Variants in ZMAT3 observed in about 807,000 individuals in gnomAD.
ZMAT3 encodes zinc finger matrin-type 3.
ZMAT3 carries 17 observed loss-of-function variants against 32.3 expected under a neutral mutation model. The observed-to-expected ratio is 0.53, with a 90% CI of 0.36 to 0.79. ZMAT3 has a LOEUF of 0.79. Ranked by LOEUF, ZMAT3 falls within the 30% of genes least tolerant of loss-of-function variation. The pLI, the probability that ZMAT3 is intolerant of heterozygous loss-of-function variation, is 0.00. For missense variants in ZMAT3, 329 were observed against 359.7 expected (o/e 0.91, Z 0.69); for synonymous variants, 120 against 133.1 (o/e 0.90, Z 0.68).
Position 179,032,432 on chromosome 3 carries a change from G to A in ZMAT3, c.271-1433C>T, listed in dbSNP as rs928747491. Among the ~76,000 whole-genome samples the A allele has an allele frequency of 2.0e-5, 3 of 152,186 alleles. No individual in the cohort carries two copies. In the East Asian group the frequency reaches 5.8e-4, roughly 30 times the overall value. On this transcript the variant is annotated intron_variant, in intron 2 of 5. Transcript: ENST00000311417. Reference sequence around the variant, plus strand: ...CTCTGCCCGGCCGCCACCCCGTCTAGGAAGTGAGGAGCGTCTCTGCCTGGC... The same window carrying A: ...CTCTGCCCGGCCGCCACCCCGTCTAAGAAGTGAGGAGCGTCTCTGCCTGGC...
chr3:179,056,182 C>CA (rs1245702112), intron 2 of ZMAT3, among the ~76,000 whole-genome samples: 2 of 152,158 alleles, frequency 1.3e-5, no homozygotes, highest in African/African-American at 4.8e-5. Flanking sequence ...GTTTATCACT[C>CA]AGTCAGCTGC....
intron 2 of ZMAT3, among the ~76,000 whole-genome samples, chr3:179,066,409 CA>C (rs1301682483): frequency 1.3e-5 from 2 of 152,182 alleles, no homozygotes; most frequent in Non-Finnish European, 2.9e-5. Context: ...AATTGACCAT[CA>C]AAATACTTCC....
chr3:179,056,331 A>AG (rs145326075), intron 2 of ZMAT3, among the ~76,000 whole-genome samples: 12,728 of 151,406 alleles, frequency 0.084, 678 homozygotes, highest in Non-Finnish European at 0.12. Flanking sequence ...TAAAAAAAAA[A>AG]GGGGGGGTCC....
At chr3:179,052,638 C>G (rs549188533) in intron 2 of ZMAT3, among the ~76,000 whole-genome samples, 2 of 152,164 alleles carry the variant, frequency 1.3e-5, no homozygotes, top group Admixed American at 1.3e-4. Flanking sequence ...ATCCAGCAAT[C>G]CCTCTCCAGG....
At chr3:179,042,787 C>G (rs1720022796) in intron 2 of ZMAT3, among the ~76,000 whole-genome samples, 1 of 152,132 alleles carries the variant, frequency 6.6e-6, no homozygotes, top group African/African-American at 2.4e-5. Context: ...TCAAATTGTC[C>G]CTGCTTGCAG....
At chr3:179,044,674 T>C (rs555503544) in intron 2 of ZMAT3, among the ~76,000 whole-genome samples, 4 of 152,090 alleles carry the variant, frequency 2.6e-5, no homozygotes, top group East Asian at 1.9e-4. Flanking sequence ...ATGTGACACA[T>C]ATACACCATG....
At chr3:179,051,686 T>C (rs563051508) in intron 2 of ZMAT3, among the ~76,000 whole-genome samples, 1 of 152,124 alleles carries the variant, frequency 6.6e-6, no homozygotes, top group South Asian at 2.1e-4. Context: ...AGAAAAAAAT[T>C]TATATGGAAC....
intron 5 of ZMAT3, among the ~76,000 whole-genome samples, chr3:179,026,252 A>T (rs1718860959): frequency 6.6e-6 from 1 of 151,966 alleles, no homozygotes; most frequent in East Asian, 1.9e-4. Context: ...TAATACAGCT[A>T]TCCCAGCTTC....
intron 2 of ZMAT3, among the ~76,000 whole-genome samples, chr3:179,052,042 G>T (rs1720593874): frequency 6.6e-6 from 1 of 152,132 alleles, no homozygotes; most frequent in Non-Finnish European, 1.5e-5. Context: ...ATGGATCAAA[G>T]ACTTAAATCT....
chr3:179,057,232 C>G (rs1720893734), intron 2 of ZMAT3, among the ~76,000 whole-genome samples: 1 of 152,154 alleles, frequency 6.6e-6, no homozygotes, highest in Non-Finnish European at 1.5e-5. Context: ...AGTGCAAGAT[C>G]TCAGGATTAT....
At chr3:179,050,773 G>T (rs955877000) in intron 2 of ZMAT3, among the ~76,000 whole-genome samples, 1 of 152,142 alleles carries the variant, frequency 6.6e-6, no homozygotes, top group African/African-American at 2.4e-5. Flanking sequence ...AATCCACCAT[G>T]ATCAAGTGGG....
chr3:179,031,073 C>G (rs1221947972), intron 2 of ZMAT3, 74 bp from the exon 3 acceptor site: 1 of 1,332,652 alleles, frequency 7.5e-7, no homozygotes, highest in Non-Finnish European at 1.0e-6. Context: ...TAGCTATGGT[C>G]AACTGTGGTC....
rs1255977489 is a variant in ZMAT3 at position 179,061,330 on chromosome 3, C to T, written c.270+6153G>A. 4.6e-5 allele frequency among the ~76,000 whole-genome samples: 7 copies of T among 150,890 alleles called. No individual in the cohort carries two copies. In the East Asian group the frequency reaches 9.7e-4, roughly 21 times the overall value. On this transcript the variant is annotated intron_variant, in intron 2 of 5. Coordinates refer to ENST00000311417, the MANE Select transcript of ZMAT3 (RefSeq NM_022470.4). ...TGAGATTTAGGGATGGAGGGGAGAA[C>T]GATAATATGAAAAATATAATGCAAG...
intron 2 of ZMAT3, among the ~76,000 whole-genome samples, chr3:179,059,582 A>G (rs6784272): frequency 0.61 from 93,071 of 152,044 alleles, 28,670 homozygotes; most frequent in East Asian, 0.8. Context: ...TTCCAGAATC[A>G]AGGCTGTAAA....
rs1162164947 is a variant in ZMAT3, at chr3:179,024,884, G to A, written c.*133C>T. Reference sequence around the variant, plus strand: ...GGCCCCCAGGTTTTGACATCTCATGGTACCACTGTGGGTTACATGTATTAA... The same window carrying A: ...GGCCCCCAGGTTTTGACATCTCATGATACCACTGTGGGTTACATGTATTAA... On this transcript the variant is annotated 3_prime_UTR_variant, in exon 6 of 6. Transcript: ENST00000311417. 3 of 785,082 alleles carry A rather than the reference G, an allele frequency of 3.8e-6. No homozygotes were observed. Among genetic ancestry groups the A allele is most frequent in the South Asian group, 3.1e-5 (2 of 63,604 alleles). The allele number at this position is 785,082 out of a possible 1,614,324, so 48.6% of individuals were successfully genotyped here. A position where few individuals can be genotyped will look rare whatever the true frequency, so the allele number is the denominator to read the frequency against.
intron 2 of ZMAT3, among the ~76,000 whole-genome samples, chr3:179,052,879 G>A (rs1258136090): frequency 6.6e-6 from 1 of 152,136 alleles, no homozygotes; most frequent in East Asian, 1.9e-4. Context: ...TGTCATCCCA[G>A]CACTTTGAAA....
At position 179,043,993 on chromosome 3, in the gene ZMAT3, G is replaced by A. The variant is rs540158313; in HGVS notation, c.271-12994C>T. The stretch of plus-strand genomic sequence containing the variant: ...CATGGAAAAATGCTCATCATCATTC[G>A]TCGTCAGAGAAATGAAAATCAAAAC... On this transcript the variant is annotated intron_variant, in intron 2 of 5. Coordinates refer to ENST00000311417, the MANE Select transcript of ZMAT3 (RefSeq NM_022470.4). Among the ~76,000 whole-genome samples, 26 of 152,204 alleles carry A rather than the reference G, an allele frequency of 1.7e-4. 1 individual carries two copies. The highest frequency in any genetic ancestry group is 5.1e-4 in the African/African-American group (21 of 41,572).
At chr3:179,044,986 A>C (rs1203944131) in intron 2 of ZMAT3, among the ~76,000 whole-genome samples, 4 of 152,054 alleles carry the variant, frequency 2.6e-5, no homozygotes, top group Non-Finnish European at 5.9e-5. Flanking sequence ...CTATGTATCA[A>C]ACCTGCGCAT....
chr3:179,034,413 C>A (rs528453124), intron 2 of ZMAT3, among the ~76,000 whole-genome samples: 1 of 152,346 alleles, frequency 6.6e-6, no homozygotes, highest in African/African-American at 2.4e-5. Flanking sequence ...ATTCCTCCTA[C>A]TATCATCTAT....
Sources: allele counts gnomAD v4.1 joint callset (sites outside exome capture counted in the v4.1 genomes callset), GRCh38; gene constraint gnomAD v4.1.1; transcripts MANE v1.5; gene names NCBI Gene and HGNC (gene_info 2026-07-23, HGNC 2026-07-21).